The following MAPRE2 variants were observed in gnomAD, a reference collection of about 807,000 sequenced individuals.
The protein encoded by MAPRE2 is microtubule-associated protein RP/EB family member 2.
A neutral mutation model predicts 43.2 loss-of-function variants in MAPRE2; 13 were observed. That is an observed-to-expected ratio of 0.30 (90% CI 0.20 to 0.48). The LOEUF is 0.48. MAPRE2 is among the 20% of genes least tolerant of loss of function. The pLI, the probability that MAPRE2 is intolerant of heterozygous loss-of-function variation, is 0.99. For synonymous variants in MAPRE2, 135 were observed against 148.8 expected (o/e 0.91, Z 0.68); for missense variants, 161 against 400.2 (o/e 0.40, Z 5.10).
chr18:35,092,405 C>T (rs980636275), intron 2 of MAPRE2, among the ~76,000 whole-genome samples: 1 of 152,132 alleles, frequency 6.6e-6, no homozygotes, highest in African/African-American at 2.4e-5. Context: ...ATCTGGCTAT[C>T]CATGTGCAGA....
chr18:35,076,937 T>A (rs917952501), intron 2 of MAPRE2, among the ~76,000 whole-genome samples: 19 of 152,176 alleles, frequency 1.2e-4, no homozygotes, highest in Non-Finnish European at 2.8e-4. Flanking sequence ...CCTACAGATA[T>A]ATCCCTACAT....
chr18:35,126,525 T>C (rs1007636652), intron 4 of MAPRE2, among the ~76,000 whole-genome samples: 2 of 152,232 alleles, frequency 1.3e-5, no homozygotes, highest in African/African-American at 4.8e-5. Flanking sequence ...AAAAAATACA[T>C]TTGGATTGAT....
intron 2 of MAPRE2, among the ~76,000 whole-genome samples, chr18:35,083,773 A>C (rs1907749520): frequency 6.6e-6 from 1 of 152,220 alleles, no homozygotes; most frequent in Non-Finnish European, 1.5e-5. Context: ...ACGAAAAGAA[A>C]TCTGAAACCA....
At chr18:35,033,082 T>A (rs143669205) in intron 2 of MAPRE2, among the ~76,000 whole-genome samples, 1 of 152,222 alleles carries the variant, frequency 6.6e-6, no homozygotes, top group African/African-American at 2.4e-5. Context: ...TAGACCAATA[T>A]CCTTGATGAA....
intron 2 of MAPRE2, among the ~76,000 whole-genome samples, chr18:35,085,347 G>A (rs641967): frequency 0.26 from 40,160 of 152,140 alleles, 6,599 homozygotes; most frequent in East Asian, 0.52. Context: ...ATGATGAGCT[G>A]AATGCCAAAA....
At chr18:35,032,887 A>T (rs1271777946) in intron 2 of MAPRE2, among the ~76,000 whole-genome samples, 1 of 152,284 alleles carries the variant, frequency 6.6e-6, no homozygotes, top group East Asian at 1.9e-4. Flanking sequence ...ACAGTTGGTC[A>T]TTAATTAACA....
intron 6 of MAPRE2, among the ~76,000 whole-genome samples, chr18:35,137,858 G>A (rs540284150): frequency 1.4e-4 from 21 of 152,344 alleles, no homozygotes; most frequent in African/African-American, 5.1e-4. Context: ...GCTTCAGGGA[G>A]GAGTGACTTT....
intron 1 of MAPRE2, among the ~76,000 whole-genome samples, chr18:34,996,941 C>T (rs2097026791): frequency 6.6e-6 from 1 of 152,190 alleles, no homozygotes; most frequent in African/African-American, 2.4e-5. Flanking sequence ...CTCCCCTTTA[C>T]TAGCTGTGTG....
At chr18:35,032,731 C>T (rs1350562689) in intron 2 of MAPRE2, among the ~76,000 whole-genome samples, 1 of 152,038 alleles carries the variant, frequency 6.6e-6, no homozygotes, top group East Asian at 1.9e-4. Flanking sequence ...ATGCTTCCAG[C>T]TCTGTATCCT....
At chr18:34,992,476 A>G (rs1245237789) in intron 1 of MAPRE2, among the ~76,000 whole-genome samples, 4 of 152,216 alleles carry the variant, frequency 2.6e-5, no homozygotes, top group Non-Finnish European at 5.9e-5. Context: ...AAGCCAACTC[A>G]ATTCACTTTT....
chr18:35,037,917 G>A (rs2097051536), upstream of MAPRE2, among the ~76,000 whole-genome samples: 1 of 152,168 alleles, frequency 6.6e-6, no homozygotes, highest in Non-Finnish European at 1.5e-5. Flanking sequence ...GGTTGGGAGA[G>A]TAGGGGCCTC....
At chr18:35,081,868 T>G (rs1007597622) in intron 2 of MAPRE2, 2 of 152,160 alleles carry the variant, frequency 1.3e-5, no homozygotes, top group Non-Finnish European at 2.9e-5. Flanking sequence ...ATAGAGTTCA[T>G]GTAGTGGCCT....
At chr18:35,035,500 C>G (rs989175996) in intron 2 of MAPRE2, among the ~76,000 whole-genome samples, 1 of 151,880 alleles carries the variant, frequency 6.6e-6, no homozygotes, top group East Asian at 1.9e-4. Flanking sequence ...TACCCTAAAA[C>G]TTAAAGTATA....
At position 34,998,579 on chromosome 18, in the gene MAPRE2, G is replaced by A. The variant is rs901916664; in HGVS notation, c.-69-6913G>A. Among the ~76,000 whole-genome samples, 6 of 151,418 alleles carry A rather than the reference G, an allele frequency of 4.0e-5. No homozygotes were observed. In the South Asian group the frequency reaches 6.3e-4, roughly 16 times the overall value. On this transcript the variant is annotated intron_variant, in intron 1 of 7. Coordinates refer to the MAPRE2 transcript ENST00000413393. ...CCTGACCTCGTGATCTGCCCGCCTC[G>A]GCCTCCCAAAGTGCTGGGATTACAG... is the stretch of plus-strand genomic sequence containing the variant.
At chr18:35,030,771 C>G (rs1406490388) in intron 2 of MAPRE2, among the ~76,000 whole-genome samples, 3 of 151,820 alleles carry the variant, frequency 2.0e-5, no homozygotes, top group African/African-American at 7.3e-5. Flanking sequence ...ATTCTGGTTT[C>G]TCTGTGATCT....
chr18:35,052,265 A>T (rs1329821025), intron 1 of MAPRE2, among the ~76,000 whole-genome samples: 2 of 152,198 alleles, frequency 1.3e-5, no homozygotes, highest in African/African-American at 4.8e-5. Flanking sequence ...GGAGCCAGTG[A>T]TCTGCTTTCT....
intron 4 of MAPRE2, among the ~76,000 whole-genome samples, chr18:35,117,651 C>T (rs569156439): frequency 2.6e-4 from 40 of 152,186 alleles, no homozygotes; most frequent in South Asian, 1.9e-3. Context: ...AGTAAACAGG[C>T]GAAGGGGTAC....
chr18:35,002,290 G>C (rs1256801330), intron 1 of MAPRE2, among the ~76,000 whole-genome samples: 1 of 152,126 alleles, frequency 6.6e-6, no homozygotes, highest in African/African-American at 2.4e-5. Context: ...TCTTATTGCT[G>C]GGTAGTATTC....
At chr18:35,139,910 G>A (rs1914229414) in intron 6 of MAPRE2, among the ~76,000 whole-genome samples, 1 of 152,220 alleles carries the variant, frequency 6.6e-6, no homozygotes, top group Non-Finnish European at 1.5e-5. Context: ...CAGGGGTGCT[G>A]CTTTTATATT....
Sources: gnomAD v4.1 joint callset for allele counts (sites outside exome capture counted in the v4.1 genomes callset) on GRCh38, gnomAD v4.1.1 for gene constraint, MANE v1.5 for transcripts, NCBI Gene and HGNC (gene_info 2026-07-23, HGNC 2026-07-21) for gene names.